Variants in LOXL4 observed in about 807,000 individuals in gnomAD.
LOXL4 encodes the protein lysyl oxidase like 4, also known as lysyl oxidase homolog 4.
In LOXL4, 72 loss-of-function variants were observed where a neutral mutation model predicts 89.1. The observed-to-expected ratio is 0.81, with a 90% CI of 0.67 to 0.98. The LOEUF is 0.98. Among genes scored for constraint, LOXL4 ranks in the 50% least tolerant of loss-of-function variants. The pLI is 0.00. For missense variants in LOXL4, 984 were observed against 1,017.5 expected (o/e 0.97, Z 0.45); for synonymous variants, 355 against 392.1 (o/e 0.91, Z 1.12).
intron 9 of LOXL4, chr10:98,255,989 A>C: frequency 1.4e-5 from 6 of 415,382 alleles, no homozygotes; most frequent in South Asian, 9.7e-5. Flanking sequence ...CTGGCCCTAC[A>C]CCCCTCTCTC....
chr10:98,260,741 C>G (rs970449333), intron 4 of LOXL4, among the ~76,000 whole-genome samples, 181 bp downstream of exon 4: 1 of 152,126 alleles, frequency 6.6e-6, no homozygotes, highest in Admixed American at 6.5e-5. Context: ...CTGAACTCTG[C>G]GAGGTCCCAC....
chr10:98,252,549 C>T (rs1405721153), intron 11 of LOXL4, 81 bp from the exon 12 acceptor site: 2 of 915,922 alleles, frequency 2.2e-6, no homozygotes, highest in Non-Finnish European at 3.5e-6. Context: ...AGACAGGCCC[C>T]AGGCCCCATC....
Position 98,262,096 on chromosome 10 carries a change from C to A in LOXL4, c.395G>T (p.Cys132Phe). Residue 132 changes from cysteine (C) to phenylalanine (F), a missense_variant, in exon 3 of 15, where the codon TGC (cysteine) becomes TTC (phenylalanine). Physicochemically the swap from Cys to Phe is radical, Grantham distance 205 (BLOSUM62 -2). Transcript: ENST00000260702. The part of the protein sequence containing the change: ...CSHSEDVGVI[C>F]HPRRHRGYLS... ...GTAGCCACGATGGCGCCGGGGGTGG[C>A]ATATCACCCCTACGTCTTCTGAGTG... 6.2e-7 allele frequency: 1 copy of A among 1,612,832 alleles called. No homozygotes were observed. The highest frequency in any genetic ancestry group is 8.5e-7 in the Non-Finnish European group (1 of 1,179,732).
intron 1 of LOXL4, among the ~76,000 whole-genome samples, chr10:98,264,406 AC>A (rs1255144799): frequency 6.7e-6 from 1 of 149,216 alleles, no homozygotes; most frequent in Non-Finnish European, 1.5e-5. Flanking sequence ...CCCTTCTCTT[AC>A]CCCCAGACCA....
In LOXL4 at chr10:98,253,700, T is replaced by G. The variant is rs1590876989; in HGVS notation, c.1688A>C (p.Asn563Thr). 1 of 1,614,192 alleles carries G rather than the reference T, an allele frequency of 6.2e-7. No individual in the cohort carries two copies. Among genetic ancestry groups the G allele is most frequent in the East Asian group, 2.2e-5 (1 of 44,884 alleles). ...LSQLYCAHEE[N>T]CLSKSADHMD... is the part of the protein sequence containing the mutation. Reference sequence around the variant, plus strand: ...GTGATCCGCAGACTTGGAGAGGCAGTTCTCCTCGTGGGCACAATACAGCTG... The same window carrying G: ...GTGATCCGCAGACTTGGAGAGGCAGGTCTCCTCGTGGGCACAATACAGCTG... The change falls in exon 11 of 15, where the codon AAC becomes ACC. Residue 563 changes from asparagine (N) to threonine (T), a missense_variant. Coordinates refer to ENST00000260702, the MANE Select transcript of LOXL4 (RefSeq NM_032211.7).
At chr10:98,250,943 T>C in intron 14 of LOXL4, 122 bp downstream of exon 14, 1 of 697,796 alleles carries the variant, frequency 1.4e-6, no homozygotes. Context: ...GTTCCATCCA[T>C]AGCCTTTTGC....
rs114043713 is a variant in LOXL4, at chr10:98,249,642, G to T, written c.2201-651C>A. Among the ~76,000 whole-genome samples the T allele has an allele frequency of 2.8e-3, 424 of 152,162 alleles. 1 individual carries two copies. Among genetic ancestry groups the T allele is most frequent in the African/African-American group, 9.8e-3 (405 of 41,518 alleles). ...CACCCGAGTGTGCCTTCTGTTTTCC[G>T]CACACTTCTGTTTAGCCCTGTTGGA... is the stretch of plus-strand genomic sequence containing the variant. On this transcript the variant is annotated intron_variant, in intron 14 of 14. Transcript: ENST00000260702.
At chr10:98,268,055 T>C (rs10883055) in intron 1 of LOXL4, 77 bp downstream of exon 1, 147,903 of 152,750 alleles carry the variant, frequency 0.97, 71,763 homozygotes, top group East Asian at 1. Flanking sequence ...GCCTGCAGAC[T>C]CACAGAGAGA....
At position 98,248,820 on chromosome 10, in the gene LOXL4, C is replaced by T. The variant is rs1564754006; in HGVS notation, c.*101G>A. 5 of 1,078,388 alleles carry T rather than the reference C, an allele frequency of 4.6e-6. No homozygotes were observed. Among genetic ancestry groups the T allele is most frequent in the Non-Finnish European group, 5.5e-6 (4 of 724,986 alleles). 66.8% of individuals were successfully genotyped at this position (1,078,388 alleles called of 1,614,324 possible). On this transcript the variant is annotated 3_prime_UTR_variant, in exon 15 of 15. Coordinates refer to ENST00000260702, the MANE Select transcript of LOXL4 (RefSeq NM_032211.7). Reference sequence around the variant, plus strand: ...AGCAGGTTCTTGGTGCCCCTTGGCACTGGCCCTTTTCCTCTGAGTTGGGAC... The same window carrying T: ...AGCAGGTTCTTGGTGCCCCTTGGCATTGGCCCTTTTCCTCTGAGTTGGGAC...
At position 98,262,092 on chromosome 10, in the gene LOXL4, G is replaced by A. The variant is rs751129111; in HGVS notation, c.399C>T (p.His133=). The change falls in exon 3 of 15, where the codon CAC becomes CAT. Residue 133 remains histidine (H), a synonymous_variant. Coordinates refer to ENST00000260702, the MANE Select transcript of LOXL4 (RefSeq NM_032211.7). ...SHSEDVGVIC[H]PRRHRGYLSE... ...AAAGGTAGCCACGATGGCGCCGGGG[G>A]TGGCATATCACCCCTACGTCTTCTG... The A allele has an allele frequency of 6.2e-7, 1 of 1,612,660 alleles. No individual in the cohort carries two copies. The highest frequency in any genetic ancestry group is 1.1e-5 in the South Asian group (1 of 90,926).
intron 4 of LOXL4, among the ~76,000 whole-genome samples, chr10:98,260,117 C>T (rs1858496415): frequency 1.3e-5 from 2 of 152,278 alleles, no homozygotes; most frequent in African/African-American, 2.4e-5. Context: ...CTGTGGCTGT[C>T]GTTTACTGGT....
chr10:98,261,149 G>A lies in LOXL4; in HGVS notation c.457-22C>T, dbSNP rs1178355065. The A allele has an allele frequency of 1.9e-6, 3 of 1,605,656 alleles. No homozygotes were observed. The East Asian group carries it at 6.7e-5, about 36-fold the overall frequency. ...GGCCCTGCGGGGTGCACAGTCACCTGTGGGCCTCGGGGCTCCTGCTCCTCC... is the reference window on the plus strand; with the variant it reads ...GGCCCTGCGGGGTGCACAGTCACCTATGGGCCTCGGGGCTCCTGCTCCTCC... On this transcript the variant is annotated intron_variant, in intron 3 of 14. Transcript: ENST00000260702.
In LOXL4 at chr10:98,262,626, C is replaced by T. The variant is rs558092979; in HGVS notation, c.277+117G>A. On this transcript the variant is annotated intron_variant, in intron 2 of 14. Coordinates refer to ENST00000260702, the MANE Select transcript of LOXL4 (RefSeq NM_032211.7). Reference sequence around the variant, plus strand: ...TGCAGCTGAGGCACTCAGGAAATGCCGTGTGGAGGAGGTCACATGAGCAGG... The same window carrying T: ...TGCAGCTGAGGCACTCAGGAAATGCTGTGTGGAGGAGGTCACATGAGCAGG... The T allele has an allele frequency of 1.1e-4, 135 of 1,277,126 alleles. 1 individual carries two copies. In the South Asian group the frequency reaches 1.5e-3, roughly 14 times the overall value. 79.1% of individuals were successfully genotyped at this position (1,277,126 alleles called of 1,614,324 possible). A position where few individuals can be genotyped will look rare whatever the true frequency, so the allele number is the denominator to read the frequency against.
At chr10:98,257,614 C>A (rs1346247824) in intron 8 of LOXL4, 36 bp downstream of exon 8, 1 of 1,597,634 alleles carries the variant, frequency 6.3e-7, no homozygotes, top group East Asian at 2.2e-5. Flanking sequence ...GGTTTCCCGG[C>A]CCCCAGCCTG....
intron 1 of LOXL4, 48 bp from the exon 2 acceptor site, chr10:98,263,099 T>C: frequency 6.6e-7 from 1 of 1,507,268 alleles, no homozygotes; most frequent in South Asian, 1.2e-5. Context: ...TACCCAGATC[T>C]CAGACCTCTG....
intron 9 of LOXL4, 95 bp from the exon 10 acceptor site, chr10:98,255,834 G>A (rs1858346036): frequency 1.2e-5 from 18 of 1,454,480 alleles, no homozygotes; most frequent in South Asian, 1.2e-4. Context: ...CACCCCCACC[G>A]GGTTGTGTCC....
chr10:98,258,376 C>T (rs1041849521), intron 6 of LOXL4, among the ~76,000 whole-genome samples: 4 of 152,022 alleles, frequency 2.6e-5, no homozygotes, highest in African/African-American at 9.7e-5. Flanking sequence ...TGACCAATCA[C>T]CCCCACAGCC....
rs1163992933 is a variant in LOXL4, at chr10:98,248,365, G to A, written c.*556C>T. The A allele has an allele frequency of 4.6e-5, 7 of 153,296 alleles. No homozygotes were observed. 9.5% of individuals were successfully genotyped at this position (153,296 alleles called of 1,614,324 possible). A position where few individuals can be genotyped will look rare whatever the true frequency, so the allele number is the denominator to read the frequency against. On this transcript the variant is annotated 3_prime_UTR_variant, in exon 15 of 15. Transcript: ENST00000260702. The stretch of plus-strand genomic sequence containing the variant: ...ATGTGTGTGGTAAGATAAAGGTAAG[G>A]ACACTAAAGAACAGAGTGTGAGAGG...
chr10:98,255,388 C>T (rs1265120779), intron 10 of LOXL4, among the ~76,000 whole-genome samples, 189 bp downstream of exon 10: 1 of 152,192 alleles, frequency 6.6e-6, no homozygotes, highest in Non-Finnish European at 1.5e-5. Context: ...CTCACAATAA[C>T]TCCGTGAGGG....
Sources: allele counts gnomAD v4.1 joint callset (sites outside exome capture counted in the v4.1 genomes callset), GRCh38; gene constraint gnomAD v4.1.1; transcripts MANE v1.5; gene names NCBI Gene and HGNC (gene_info 2026-07-23, HGNC 2026-07-21).